The following ZNRF1 variants were observed in gnomAD, a reference collection of about 807,000 sequenced individuals.
ZNRF1 encodes zinc and ring finger 1, also known as E3 ubiquitin-protein ligase ZNRF1.
In ZNRF1, 3 loss-of-function variants were observed where a neutral mutation model predicts 18.4. The ratio of observed to expected loss-of-function variants is 0.16; its 90% CI spans 0.07 to 0.42. ZNRF1 has a LOEUF of 0.42. Ranked by LOEUF, ZNRF1 falls within the 10% of genes least tolerant of loss-of-function variation. The pLI is 0.99. For synonymous variants in ZNRF1, 157 were observed against 144.2 expected (o/e 1.09, Z -0.64); for missense variants, 310 against 329.8 (o/e 0.94, Z 0.47).
At chr16:75,104,478 G>A in intron 2 of ZNRF1, 1 of 242,834 alleles carries the variant, frequency 4.1e-6, no homozygotes, top group East Asian at 1.1e-4. Context: ...CTTGCCTCAT[G>A]CTGCCCCTGC....
At chr16:75,092,651 C>T (rs1597906389) in intron 1 of ZNRF1, among the ~76,000 whole-genome samples, 1 of 152,218 alleles carries the variant, frequency 6.6e-6, no homozygotes, top group African/African-American at 2.4e-5. Context: ...GAAAGATTCT[C>T]AACCAAAATT....
Position 75,106,586 on chromosome 16 carries a change from G to T in ZNRF1, c.*32+15G>T, listed in dbSNP as rs377573668. 1 of 1,611,408 alleles carries T rather than the reference G, an allele frequency of 6.2e-7. No individual in the cohort carries two copies. Among genetic ancestry groups the T allele is most frequent in the Admixed American group, 1.7e-5 (1 of 60,000 alleles). On this transcript the variant is annotated intron_variant, in intron 4 of 4. Coordinates refer to ENST00000335325, the MANE Select transcript of ZNRF1 (RefSeq NM_032268.5). ...TCCTCTCAAAGGTGAGCCCGCGTTT[G>T]GGGGTGCTCCGGGCTCAAGGCTTGG... is the stretch of plus-strand genomic sequence containing the variant.
chr16:75,035,604 A>G (rs534057866), intron 1 of ZNRF1, among the ~76,000 whole-genome samples: 7 of 152,318 alleles, frequency 4.6e-5, no homozygotes, highest in East Asian at 3.9e-4. Flanking sequence ...GAAGTAAAGT[A>G]CACTTGGAAG....
rs895145532 is a variant in ZNRF1 at position 75,000,321 on chromosome 16, G to C, written c.424+226G>C. ...AGGGACTCACGGCGTGTGTTCACTT[G>C]TGGAAGGGCAGAGCGAAGCCTACCT... On this transcript the variant is annotated intron_variant, in intron 1 of 4. Coordinates refer to ENST00000335325, the MANE Select transcript of ZNRF1 (RefSeq NM_032268.5). 4 of 720,146 alleles carry C rather than the reference G, an allele frequency of 5.6e-6. No individual in the cohort carries two copies. In the Admixed American group the frequency reaches 8.1e-5, roughly 15 times the overall value. The allele number at this position is 720,146 out of a possible 1,614,324, so 44.6% of individuals were successfully genotyped here.
At chr16:75,093,449 G>A in intron 1 of ZNRF1, 123 bp from the exon 2 acceptor site, 1 of 703,550 alleles carries the variant, frequency 1.4e-6, no homozygotes, top group Non-Finnish European at 2.6e-6. Context: ...TCCAGGGTCT[G>A]TTCTGATGGT....
chr16:75,038,739 G>T (rs189164627), intron 1 of ZNRF1, among the ~76,000 whole-genome samples: 7 of 152,306 alleles, frequency 4.6e-5, no homozygotes, highest in Admixed American at 2.0e-4. Context: ...TTCTAAGCAC[G>T]ATCTGCAGTC....
rs146645695 is a variant in ZNRF1 at position 75,070,397 on chromosome 16, C to T, written c.425-23175C>T. ...GTAATATTTCTGAAATATAAGCCACCTCTGAACTGTTCAACAGTTCTGCAG... is the reference window on the plus strand; with the variant it reads ...GTAATATTTCTGAAATATAAGCCACTTCTGAACTGTTCAACAGTTCTGCAG... On this transcript the variant is annotated intron_variant, in intron 1 of 4. Coordinates refer to ENST00000335325, the MANE Select transcript of ZNRF1 (RefSeq NM_032268.5). Among the ~76,000 whole-genome samples, 354 of 152,334 alleles carry T rather than the reference C, an allele frequency of 2.3e-3. 1 individual carries two copies. The highest frequency in any genetic ancestry group is 8.2e-3 in the African/African-American group (340 of 41,580).
chr16:75,031,425 G>A (rs925270655), intron 1 of ZNRF1, among the ~76,000 whole-genome samples: 1 of 152,114 alleles, frequency 6.6e-6, no homozygotes, highest in African/African-American at 2.4e-5. Context: ...ACCGTGCCCG[G>A]CCATGTCCAA....
At chr16:75,001,012 G>T (rs991345955) in intron 1 of ZNRF1, among the ~76,000 whole-genome samples, 2 of 152,192 alleles carry the variant, frequency 1.3e-5, no homozygotes, top group African/African-American at 4.8e-5. Context: ...GGCAAAAAAG[G>T]CCTGGCAGGA....
chr16:75,060,803 G>A lies in ZNRF1; in HGVS notation c.425-32769G>A, dbSNP rs555145656. On this transcript the variant is annotated intron_variant, in intron 1 of 4. Coordinates refer to ENST00000335325, the MANE Select transcript of ZNRF1 (RefSeq NM_032268.5). ...AGAAACTTGGATTTTAATCTTGGCC[G>A]CAGCTTTGATTTTGATGGTAGAATT... 1.7e-4 allele frequency among the ~76,000 whole-genome samples: 26 copies of A among 152,122 alleles called. No individual in the cohort carries two copies. In the South Asian group the frequency reaches 4.6e-3, roughly 27 times the overall value.
intron 1 of ZNRF1, among the ~76,000 whole-genome samples, chr16:75,015,160 C>G (rs182440635): frequency 1.6e-4 from 25 of 152,176 alleles, no homozygotes; most frequent in Non-Finnish European, 5.9e-5. Flanking sequence ...ACTGAATATT[C>G]AAGTATTTTC....
chr16:75,096,868 G>T (rs1280222423), intron 2 of ZNRF1, among the ~76,000 whole-genome samples: 2 of 152,158 alleles, frequency 1.3e-5, no homozygotes, highest in Non-Finnish European at 2.9e-5. Flanking sequence ...CACAACTTAG[G>T]AAAGGCGAGA....
At chr16:75,023,577 G>A (rs1477071451) in intron 1 of ZNRF1, among the ~76,000 whole-genome samples, 1 of 152,026 alleles carries the variant, frequency 6.6e-6, no homozygotes, top group Non-Finnish European at 1.5e-5. Flanking sequence ...CCAGCTACTC[G>A]GGAGGCTGAG....
intron 1 of ZNRF1, among the ~76,000 whole-genome samples, chr16:75,017,201 C>A (rs1027042105): frequency 2.0e-5 from 3 of 152,012 alleles, no homozygotes; most frequent in Non-Finnish European, 4.4e-5. Flanking sequence ...CTTTGTGCTT[C>A]CAGATAAATT....
At chr16:75,083,558 A>G (rs184884938) in intron 1 of ZNRF1, among the ~76,000 whole-genome samples, 1 of 152,354 alleles carries the variant, frequency 6.6e-6, no homozygotes, top group East Asian at 1.9e-4. Context: ...TACCCAACAG[A>G]AGAAAGTGGC....
rs779576504 is a variant in ZNRF1 at position 74,999,957 on chromosome 16, A to G, written c.286A>G (p.Thr96Ala). 1.4e-5 allele frequency: 22 copies of G among 1,578,028 alleles called. No individual in the cohort carries two copies. Among genetic ancestry groups the G allele is most frequent in the Non-Finnish European group, 1.6e-5 (19 of 1,163,008 alleles). Residue 96 changes from threonine to alanine, a missense_variant, in exon 1 of 5, where the codon ACC becomes GCC. By Grantham distance (58) the Thr-to-Ala change is moderately conservative. Coordinates refer to ENST00000335325, the MANE Select transcript of ZNRF1 (RefSeq NM_032268.5). ...PGGGGSASDS[T>A]YAHGNGYQET... ...CGGCGGAGGGTCTGCGTCCGACTCC[A>G]CCTATGCCCATGGCAATGGTTACCA... is the stretch of plus-strand genomic sequence containing the variant.
intron 1 of ZNRF1, among the ~76,000 whole-genome samples, chr16:75,073,765 A>G (rs2035903767): frequency 6.6e-6 from 1 of 151,884 alleles, no homozygotes; most frequent in Admixed American, 6.6e-5. Context: ...ATCATCTGCT[A>G]CCCGACATGG....
chr16:75,052,051 T>G (rs183415027), intron 1 of ZNRF1, among the ~76,000 whole-genome samples: 2 of 152,348 alleles, frequency 1.3e-5, no homozygotes, highest in African/African-American at 4.8e-5. Flanking sequence ...TTTAAGTACA[T>G]GTTCACTGGG....
At chr16:75,080,193 G>A (rs2035992564) in intron 1 of ZNRF1, among the ~76,000 whole-genome samples, 1 of 152,204 alleles carries the variant, frequency 6.6e-6, no homozygotes, top group Admixed American at 6.5e-5. Flanking sequence ...TGGGATTATA[G>A]GCATGAGCCA....
Sources: gnomAD v4.1 joint callset for allele counts (sites outside exome capture counted in the v4.1 genomes callset) on GRCh38, gnomAD v4.1.1 for gene constraint, MANE v1.5 for transcripts, NCBI Gene and HGNC (gene_info 2026-07-23, HGNC 2026-07-21) for gene names.